The following NEK1 variants were observed in gnomAD, a reference collection of about 807,000 sequenced individuals.
NEK1 encodes the protein NIMA related kinase 1.
NEK1 carries 137 observed loss-of-function variants against 182.1 expected under a neutral mutation model. That is an observed-to-expected ratio of 0.75 (90% confidence interval 0.65 to 0.87). The LOEUF (loss-of-function observed/expected upper bound fraction) is 0.87. Ranked by LOEUF, NEK1 falls within the 40% of genes least tolerant of loss-of-function variation. NEK1 has a pLI of 0.00. For missense variants in NEK1, 1,391 were observed against 1,494.4 expected, an observed-to-expected ratio of 0.93 and a Z score of 1.14; for synonymous variants, 513 against 492.2, an observed-to-expected ratio of 1.04 and a Z score of -0.56.
intron 5 of NEK1, among the ~76,000 whole-genome samples, chr4:169,598,428 A>G (rs1472480695): frequency 6.6e-6 from 1 of 152,122 alleles, no homozygotes; most frequent in Non-Finnish European, 1.5e-5. Flanking sequence ...AAATTTAAAG[A>G]AGCTGGGACT....
chr4:169,514,211 C>T (rs1362792344), intron 19 of NEK1, among the ~76,000 whole-genome samples: 1 of 152,172 alleles, frequency 6.6e-6, no homozygotes, highest in Non-Finnish European at 1.5e-5. Flanking sequence ...TGGTCTTGAT[C>T]TCTTGACCTC....
At chr4:169,494,315 T>C (rs528349086) in intron 23 of NEK1, among the ~76,000 whole-genome samples, 17 of 152,284 alleles carry the variant, frequency 1.1e-4, no homozygotes, top group African/African-American at 3.9e-4. Flanking sequence ...GTTCTCATTG[T>C]TCAATTCCCA....
chr4:169,429,158 T>C (rs906824738), intron 29 of NEK1, among the ~76,000 whole-genome samples: 6 of 152,174 alleles, frequency 3.9e-5, no homozygotes, highest in East Asian at 3.9e-4. Context: ...TGAGTATATG[T>C]AGATTTTGGT....
At chr4:169,497,833 T>A (rs1751641975) in intron 23 of NEK1, among the ~76,000 whole-genome samples, 1 of 152,192 alleles carries the variant, frequency 6.6e-6, no homozygotes, top group Admixed American at 6.5e-5. Context: ...AACTATGTGG[T>A]CAATTTTGAA....
In NEK1 at chr4:169,612,349, G is replaced by C. The variant is rs1034155221; in HGVS notation, c.-300C>G. 1 of 152,300 alleles carries C rather than the reference G, an allele frequency of 6.6e-6. No homozygotes were observed. Among genetic ancestry groups the C allele is most frequent in the Non-Finnish European group, 1.5e-5 (1 of 68,104 alleles). 9.4% of individuals were successfully genotyped at this position (152,300 alleles called of 1,614,324 possible). ...TTTCTGAGCCCCGTAGAAACGGCGGGGTGCAGCAGGGGGAGTGCCTCCGTT... is the reference window on the plus strand; with the variant it reads ...TTTCTGAGCCCCGTAGAAACGGCGGCGTGCAGCAGGGGGAGTGCCTCCGTT... On this transcript the variant is annotated 5_prime_UTR_variant, in exon 1 of 36. Coordinates refer to ENST00000507142, the MANE Select transcript of NEK1 (RefSeq NM_001199397.3).
intron 12 of NEK1, among the ~76,000 whole-genome samples, chr4:169,565,531 T>C (rs1763542990): frequency 6.6e-6 from 1 of 152,236 alleles, no homozygotes; most frequent in African/African-American, 2.4e-5. Flanking sequence ...GTATGTTCTA[T>C]GTATACAGAA....
At chr4:169,496,552 G>C (rs1751328386) in intron 23 of NEK1, among the ~76,000 whole-genome samples, 1 of 151,044 alleles carries the variant, frequency 6.6e-6, no homozygotes, top group Non-Finnish European at 1.5e-5. Flanking sequence ...GTCATAGATA[G>C]CTCTTATTAT....
chr4:169,503,995 A>T, intron 23 of NEK1, among the ~76,000 whole-genome samples: 1 of 152,150 alleles, frequency 6.6e-6, no homozygotes, highest in African/African-American at 2.4e-5. Context: ...GGGATTAATA[A>T]CCAGAATATA....
chr4:169,605,733 C>A (rs2150152608), intron 2 of NEK1, among the ~76,000 whole-genome samples: 1 of 152,252 alleles, frequency 6.6e-6, no homozygotes, highest in Non-Finnish European at 1.5e-5. Flanking sequence ...CATTCAGTTT[C>A]CAACATCAAA....
chr4:169,611,154 A>G (rs1772261322), intron 2 of NEK1, among the ~76,000 whole-genome samples: 2 of 152,252 alleles, frequency 1.3e-5, no homozygotes, highest in Non-Finnish European at 2.9e-5. Flanking sequence ...GAGATTAGAC[A>G]GGGCAAAATT....
intron 16 of NEK1, among the ~76,000 whole-genome samples, chr4:169,556,851 A>G (rs1762237288): frequency 6.6e-6 from 1 of 152,162 alleles, no homozygotes; most frequent in African/African-American, 2.4e-5. Context: ...ATATGAGCCA[A>G]GGCATTAAAG....
At chr4:169,606,070 G>A (rs907532451) in intron 2 of NEK1, among the ~76,000 whole-genome samples, 13 of 151,678 alleles carry the variant, frequency 8.6e-5, no homozygotes, top group African/African-American at 3.2e-4. Context: ...ATGACTCAAG[G>A]AGAAGAAAAT....
At chr4:169,445,865 T>TACAC (rs201151434) in intron 27 of NEK1, among the ~76,000 whole-genome samples, 62 of 143,280 alleles carry the variant, frequency 4.3e-4, no homozygotes, top group Non-Finnish European at 6.1e-4. Flanking sequence ...TATATATATA[T>TACAC]ACACACACAC....
At chr4:169,395,301 C>T (rs72691023) in intron 35 of NEK1, among the ~76,000 whole-genome samples, 7,332 of 152,196 alleles carry the variant, frequency 0.048, 180 homozygotes, top group Non-Finnish European at 0.059. Flanking sequence ...CGCTCCTTAA[C>T]GTGGATTACA....
intron 27 of NEK1, among the ~76,000 whole-genome samples, chr4:169,440,547 A>T (rs1367944895): frequency 6.6e-6 from 1 of 152,192 alleles, no homozygotes; most frequent in Non-Finnish European, 1.5e-5. Flanking sequence ...GCAAGTAGAT[A>T]ATAACACATT....
intron 27 of NEK1, among the ~76,000 whole-genome samples, chr4:169,441,795 GCC>G (rs1461312081): frequency 6.6e-6 from 1 of 151,730 alleles, no homozygotes; most frequent in African/African-American, 2.4e-5. Flanking sequence ...AACCAGTCCT[GCC>G]CAACATAAAC....
At chr4:169,596,677 C>T (rs1035562454) in intron 5 of NEK1, among the ~76,000 whole-genome samples, 1 of 152,148 alleles carries the variant, frequency 6.6e-6, no homozygotes, top group Admixed American at 6.5e-5. Flanking sequence ...CTGTTCCCCA[C>T]TTACATTCTA....
chr4:169,528,978 T>C (rs1437918887), intron 19 of NEK1, among the ~76,000 whole-genome samples: 1 of 151,668 alleles, frequency 6.6e-6, no homozygotes, highest in Non-Finnish European at 1.5e-5. Context: ...AATAAGAAAA[T>C]TTTCAAACAC....
intron 5 of NEK1, among the ~76,000 whole-genome samples, chr4:169,595,035 G>C (rs1769199399): frequency 6.6e-6 from 1 of 152,024 alleles, no homozygotes; most frequent in African/African-American, 2.4e-5. Context: ...TTGCCAGAAA[G>C]CTCCTGAAAA....
Sources: allele counts gnomAD v4.1 joint callset (sites outside exome capture counted in the v4.1 genomes callset), GRCh38; gene constraint gnomAD v4.1.1; transcripts MANE v1.5; gene names NCBI Gene and HGNC (gene_info 2026-07-23, HGNC 2026-07-21).